Variants in IL21R observed in about 807,000 individuals in gnomAD.
IL21R encodes interleukin 21 receptor.
A neutral mutation model predicts 41.3 loss-of-function variants in IL21R; 14 were observed. The observed-to-expected ratio is 0.34, with a 90% confidence interval of 0.22 to 0.53. IL21R has a LOEUF of 0.53. IL21R is among the 20% of genes least tolerant of loss of function. IL21R has a pLI of 0.94. For synonymous variants in IL21R, 286 were observed against 287.6 expected (o/e 0.99, Z 0.05); for missense variants, 588 against 681.6 (o/e 0.86, Z 1.53).
chr16:27,404,791 A>G (rs2086712667), intron 1 of IL21R, among the ~76,000 whole-genome samples: 1 of 152,146 alleles, frequency 6.6e-6, no homozygotes, highest in African/African-American at 2.4e-5. Flanking sequence ...GAAGCCACCT[A>G]ACCTTTCTGC....
chr16:27,407,254 T>C (rs1368082180), intron 1 of IL21R, among the ~76,000 whole-genome samples: 3 of 152,216 alleles, frequency 2.0e-5, no homozygotes, highest in East Asian at 3.9e-4. Flanking sequence ...TGAGAGCTCA[T>C]GCTTCAGTAC....
In IL21R at chr16:27,448,159, TA is replaced by T. The variant is rs1427584114; in HGVS notation, c.868-372del. The T allele has an allele frequency of 2.0e-5, 4 of 200,828 alleles. No individual in the cohort carries two copies. In the Admixed American group the frequency reaches 2.1e-4, roughly 11 times the overall value. 12.4% of individuals were successfully genotyped at this position (200,828 alleles called of 1,614,324 possible). On this transcript the variant is annotated intron_variant, in intron 8 of 8. Coordinates refer to ENST00000337929, the MANE Select transcript of IL21R (RefSeq NM_181078.3). ...GTCTGTGTCTGTCTTTCTGTCTGTT[TA>T]AACCCTCACCTTGGCTGGGCACAGT...
chr16:27,442,403 G>A (rs1166042659), intron 4 of IL21R, among the ~76,000 whole-genome samples: 4 of 151,938 alleles, frequency 2.6e-5, no homozygotes, highest in African/African-American at 7.3e-5. Context: ...TCGCTCTGTC[G>A]CCCGGGCTGG....
intron 4 of IL21R, among the ~76,000 whole-genome samples, chr16:27,440,273 A>AGAGC (rs1567370001): frequency 7.1e-6 from 1 of 139,916 alleles, no homozygotes; most frequent in African/African-American, 2.9e-5. Context: ...AGAGAGAGAG[A>AGAGC]GAGAGAGCGA....
chr16:27,445,113 G>GCCCAC, intron 6 of IL21R, 64 bp from the exon 7 acceptor site: 1 of 1,177,226 alleles, frequency 8.5e-7, no homozygotes, highest in Non-Finnish European at 1.3e-6. Context: ...TTCCCACCAT[G>GCCCAC]CCCACCCCAT....
chr16:27,431,976 C>G (rs943512161), intron 2 of IL21R, among the ~76,000 whole-genome samples: 10 of 152,188 alleles, frequency 6.6e-5, no homozygotes, highest in Non-Finnish European at 1.0e-4. Flanking sequence ...TGCACCACCC[C>G]CAGAGGGGAC....
intron 4 of IL21R, among the ~76,000 whole-genome samples, chr16:27,440,430 T>G (rs1285997201): frequency 5.3e-5 from 8 of 151,902 alleles, no homozygotes; most frequent in Admixed American, 2.6e-4. Flanking sequence ...CACATCACCA[T>G]CCTGGCTAAT....
intron 1 of IL21R, among the ~76,000 whole-genome samples, chr16:27,408,723 C>T (rs982507825): frequency 9.2e-5 from 14 of 152,296 alleles, no homozygotes; most frequent in African/African-American, 3.1e-4. Context: ...TCTTCGCCCA[C>T]CTCATTTCTT....
intron 1 of IL21R, among the ~76,000 whole-genome samples, chr16:27,428,154 G>A (rs572004750): frequency 3.3e-5 from 5 of 152,050 alleles, no homozygotes; most frequent in Admixed American, 3.3e-4. Context: ...TATGTGATGG[G>A]GGCCATCTGC....
chr16:27,449,258 C>T lies in IL21R; in HGVS notation c.1592C>T (p.Ser531Leu), dbSNP rs374407296. 1.9e-5 allele frequency: 30 copies of T among 1,606,960 alleles called. No individual in the cohort carries two copies. Among genetic ancestry groups the T allele is most frequent in the South Asian group, 3.3e-5 (3 of 90,150 alleles). The change falls in exon 9 of 9, where the codon TCG becomes TTG. Residue 531 changes from serine to leucine, a missense_variant. Ser to Leu is a moderately radical substitution (Grantham distance 145, BLOSUM62 -2). Transcript: ENST00000337929. ...TGGGTGGTCATTCCTCCGCCACTTT[C>T]GAGCCCTGGACCCCAGGCCAGCTAA... is the stretch of plus-strand genomic sequence containing the variant. ...RQWVVIPPPLSSPGPQAS is the reference protein window; with the variant it reads ...RQWVVIPPPLLSPGPQAS
rs140968532 is a variant in IL21R at position 27,417,103 on chromosome 16, A to G, written c.-16-12953A>G. Among the ~76,000 whole-genome samples the G allele has an allele frequency of 5.0e-3, 722 of 145,068 alleles. 8 individuals carry two copies. Among genetic ancestry groups the G allele is most frequent in the African/African-American group, 0.017 (690 of 39,430 alleles). ...AATATTTGTCTACAATGGTTTGTAC[A>G]TTTCTTTCTGGACATATATCCGCAA... is the stretch of plus-strand genomic sequence containing the variant. On this transcript the variant is annotated intron_variant, in intron 1 of 8. Transcript: ENST00000337929.
chr16:27,425,462 T>C (rs8049804), intron 1 of IL21R, among the ~76,000 whole-genome samples: 54,513 of 152,062 alleles, frequency 0.36, 10,167 homozygotes, highest in East Asian at 0.54. Flanking sequence ...AAGCGTAGGC[T>C]CTTTCATCAC....
intron 1 of IL21R, among the ~76,000 whole-genome samples, chr16:27,415,937 A>G (rs1376512391): frequency 6.6e-6 from 1 of 152,130 alleles, no homozygotes; most frequent in East Asian, 1.9e-4. Context: ...TTTAATTGTT[A>G]TCTTTAATTC....
rs944350339 is a variant in IL21R at position 27,449,912 on chromosome 16, C to G, written c.*629C>G. ...AAGGTCTGAATCCCGACTCTGATAC[C>G]TTCTGGCTGTGCTACCTGAGCCAAG... On this transcript the variant is annotated 3_prime_UTR_variant, in exon 9 of 9. Coordinates refer to ENST00000337929, the MANE Select transcript of IL21R (RefSeq NM_181078.3). 1.7e-5 allele frequency: 4 copies of G among 234,076 alleles called. No homozygotes were observed. Among genetic ancestry groups the G allele is most frequent in the African/African-American group, 8.8e-5 (4 of 45,466 alleles). 14.5% of individuals were successfully genotyped at this position (234,076 alleles called of 1,614,324 possible).
intron 1 of IL21R, among the ~76,000 whole-genome samples, chr16:27,412,838 T>C (rs772485283): frequency 6.6e-6 from 1 of 152,196 alleles, no homozygotes; most frequent in Non-Finnish European, 1.5e-5. Flanking sequence ...TCCTGCAACT[T>C]TGCTTAATTC....
chr16:27,451,650 T>G lies in IL21R; in HGVS notation c.*2367T>G, dbSNP rs2141325871. ...GGGAGGATCGCTGGAGCCCAGGAAT[T>G]TGAGGCTGCAGTGAGCTGTGATTAC... On this transcript the variant is annotated 3_prime_UTR_variant, in exon 9 of 9. Transcript: ENST00000337929. The G allele has an allele frequency of 4.5e-6, 1 of 220,122 alleles. No homozygotes were observed. Among genetic ancestry groups the G allele is most frequent in the East Asian group, 6.7e-5 (1 of 14,998 alleles). 13.6% of individuals were successfully genotyped at this position (220,122 alleles called of 1,614,324 possible).
At chr16:27,415,293 C>T (rs776288959) in intron 1 of IL21R, among the ~76,000 whole-genome samples, 19 of 152,172 alleles carry the variant, frequency 1.2e-4, no homozygotes, top group Admixed American at 2.0e-4. Context: ...CAGAAACTTC[C>T]ATGCAAATTT....
At chr16:27,413,059 G>A (rs907726827) in intron 1 of IL21R, among the ~76,000 whole-genome samples, 3 of 152,026 alleles carry the variant, frequency 2.0e-5, no homozygotes, top group Non-Finnish European at 4.4e-5. Flanking sequence ...AGAGGAAAAG[G>A]TTTCAGTTTT....
chr16:27,434,196 C>T lies in IL21R; in HGVS notation c.50-151C>T, dbSNP rs1411603736. The T allele has an allele frequency of 1.7e-5, 10 of 573,816 alleles. No homozygotes were observed. In the East Asian group the frequency reaches 2.9e-4, roughly 17 times the overall value. 35.5% of individuals were successfully genotyped at this position (573,816 alleles called of 1,614,324 possible). On this transcript the variant is annotated intron_variant, in intron 2 of 8. Coordinates refer to ENST00000337929, the MANE Select transcript of IL21R (RefSeq NM_181078.3). ...GTGGTGAGGCCCCCTGGGTGCCAGG[C>T]CTACATCTAAGCAGCTCCTGAGTCC...
Sources: gnomAD v4.1 joint callset for allele counts (sites outside exome capture counted in the v4.1 genomes callset) on GRCh38, gnomAD v4.1.1 for gene constraint, MANE v1.5 for transcripts, NCBI Gene and HGNC (gene_info 2026-07-23, HGNC 2026-07-21) for gene names.